Variants in UGT1A3 observed in about 807,000 individuals in gnomAD.
UGT1A3 encodes UDP-glucuronosyltransferase 1A3.
A neutral mutation model predicts 41.0 loss-of-function variants in UGT1A3; 31 were observed. The ratio of observed to expected loss-of-function variants is 0.76; its 90% CI spans 0.57 to 1.02. The LOEUF (loss-of-function observed/expected upper bound fraction) is 1.02, where lower values mean the gene tolerates loss of function less well. UGT1A3 is among the 50% of genes least tolerant of loss of function. UGT1A3 has a pLI of 0.00. For missense variants in UGT1A3, 737 were observed against 671.0 expected, an observed-to-expected ratio of 1.10 and a Z score of -1.09; for synonymous variants, 262 against 257.6, an observed-to-expected ratio of 1.02 and a Z score of -0.17.
At chr2:233,752,737 C>A (rs1338142653) in intron 1 of UGT1A3, among the ~76,000 whole-genome samples, 1 of 152,024 alleles carries the variant, frequency 6.6e-6, no homozygotes. Flanking sequence ...AGAGAGAGAC[C>A]CTGTCTCTAA....
rs781623948 is a variant in UGT1A3, at chr2:233,772,355, G to A, written c.1401G>A (p.Met467Ile). ...CCGTGTTCTGGGTGGAGTTTGTGAT[G>A]AGGCACAAGGGCGCGCCACACCTGC... Reference protein sequence around the residue: ...DLAVFWVEFVMRHKGAPHLRP... With the variant: ...DLAVFWVEFVIRHKGAPHLRP... The change falls in exon 5 of 5, where the codon ATG (methionine) becomes ATA (isoleucine). Residue 467 changes from methionine to isoleucine, a missense_variant. Met to Ile is a conservative substitution (Grantham distance 10, BLOSUM62 1). Coordinates refer to ENST00000482026, the MANE Select transcript of UGT1A3 (RefSeq NM_019093.4). 1 of 1,614,130 alleles carries A rather than the reference G, an allele frequency of 6.2e-7. No homozygotes were observed. Among genetic ancestry groups the A allele is most frequent in the Non-Finnish European group, 8.5e-7 (1 of 1,180,056 alleles).
At chr2:233,759,709 C>T (rs139134152) in intron 1 of UGT1A3, among the ~76,000 whole-genome samples, 6 of 151,084 alleles carry the variant, frequency 4.0e-5, no homozygotes, top group Non-Finnish European at 8.8e-5. Flanking sequence ...GGCGCGTGCT[C>T]GTGTGGTGGG....
intron 1 of UGT1A3, chr2:233,743,889 C>T: frequency 7.3e-7 from 1 of 1,366,986 alleles, no homozygotes; most frequent in Non-Finnish European, 9.8e-7. Context: ...TGCCGGGGCA[C>T]GTCCAGCACC....
At chr2:233,748,610 A>G (rs1485251658) in intron 1 of UGT1A3, among the ~76,000 whole-genome samples, 1 of 151,818 alleles carries the variant, frequency 6.6e-6, no homozygotes, top group Non-Finnish European at 1.5e-5. Context: ...TAGAGCAACG[A>G]ACGTGGGATA....
At chr2:233,757,048 T>G (rs536754863) in intron 1 of UGT1A3, among the ~76,000 whole-genome samples, 1 of 151,428 alleles carries the variant, frequency 6.6e-6, no homozygotes, top group South Asian at 2.1e-4. Flanking sequence ...AAAGGAAGTT[T>G]GGGGAACAGC....
chr2:233,732,226 C>A (rs1208846132), intron 1 of UGT1A3, among the ~76,000 whole-genome samples: 1 of 152,142 alleles, frequency 6.6e-6, no homozygotes, highest in Non-Finnish European at 1.5e-5. Context: ...AAAATTTTCT[C>A]CCATTCTGTA....
chr2:233,762,039 CTG>C (rs1484213771), intron 1 of UGT1A3, among the ~76,000 whole-genome samples: 1 of 152,090 alleles, frequency 6.6e-6, no homozygotes, highest in Non-Finnish European at 1.5e-5. Flanking sequence ...TTTTAATTTT[CTG>C]TGCATTTTCC....
intron 1 of UGT1A3, among the ~76,000 whole-genome samples, chr2:233,744,268 G>C (rs975143580): frequency 2.0e-5 from 3 of 151,806 alleles, no homozygotes; most frequent in African/African-American, 7.3e-5. Context: ...TTTTCTTAAA[G>C]TAGGCTTTAT....
chr2:233,745,241 G>A (rs1693049313), intron 1 of UGT1A3, among the ~76,000 whole-genome samples: 1 of 151,840 alleles, frequency 6.6e-6, no homozygotes, highest in African/African-American at 2.4e-5. Flanking sequence ...ACTATTTACT[G>A]TATCGAAACC....
At position 233,768,350 on chromosome 2, in the gene UGT1A3, G is replaced by A; in HGVS notation, c.1218G>A (p.Glu406=). 1 of 1,614,182 alleles carries A rather than the reference G, an allele frequency of 6.2e-7. No individual in the cohort carries two copies. Among genetic ancestry groups the A allele is most frequent in the East Asian group, 2.2e-5 (1 of 44,880 alleles). Residue 406 remains glutamate, a synonymous_variant, in exon 4 of 5, where the codon GAG becomes GAA. Transcript: ENST00000482026. ...GDQMDNAKRM[E]TKGAGVTLNV... is the part of the protein sequence containing the mutation. ...AGATGGACAATGCAAAGCGCATGGA[G>A]ACTAAGGGAGCTGGAGTGACCCTGA... is the stretch of plus-strand genomic sequence containing the variant.
At position 233,769,464 on chromosome 2, in the gene UGT1A3, C is replaced by CGTGT; in HGVS notation, c.1307+1037_1307+1040dup. The CGTGT allele has an allele frequency of 2.0e-6, 3 of 1,503,202 alleles. No individual in the cohort carries two copies. The highest frequency in any genetic ancestry group is 2.4e-5 in the South Asian group (2 of 84,104). The allele number at this position is 1,503,202 out of a possible 1,614,324, so 93.1% of individuals were successfully genotyped here. On this transcript the variant is annotated intron_variant, in intron 4 of 4. Transcript: ENST00000482026. The surrounding 1 kb of genome is among the most constrained non-coding windows in gnomAD (Gnocchi z 4.4). ...GGGTGCACACGTGTGCATTCATATG[C>CGTGT]GTGTGTGTGTGTGTGCGTGTGTTTA...
intron 1 of UGT1A3, chr2:233,747,230 A>AGGTTCCCCT: frequency 6.2e-7 from 1 of 1,605,032 alleles, no homozygotes; most frequent in South Asian, 1.1e-5. Context: ...ACAGGACCCC[A>AGGTTCCCCT]GGTTCCCCTG....
chr2:233,766,305 G>A (rs1441767002), intron 1 of UGT1A3, among the ~76,000 whole-genome samples: 4 of 152,018 alleles, frequency 2.6e-5, no homozygotes, highest in African/African-American at 7.2e-5. Flanking sequence ...GCTCTCCTCC[G>A]ACTGCCTCAG....
chr2:233,769,665 G>A lies in UGT1A3; in HGVS notation c.1307+1226G>A. 6.3e-7 allele frequency: 1 copy of A among 1,592,194 alleles called. No individual in the cohort carries two copies. Among genetic ancestry groups the A allele is most frequent in the Non-Finnish European group, 8.6e-7 (1 of 1,169,328 alleles). On this transcript the variant is annotated intron_variant, in intron 4 of 4. Transcript: ENST00000482026. The surrounding 1 kb of genome is among the most constrained non-coding windows in gnomAD (Gnocchi z 4.4). ...TGATGACTGACTTCCCACCTTTGAG[G>A]TGCTAATGTGTGTGTGGTGGCACTG...
At chr2:233,733,743 C>T (rs1444086929) in intron 1 of UGT1A3, among the ~76,000 whole-genome samples, 1 of 152,214 alleles carries the variant, frequency 6.6e-6, no homozygotes, top group Non-Finnish European at 1.5e-5. Context: ...CGATGTTCAT[C>T]AGGGATATTT....
chr2:233,754,301 G>C (rs576538259), intron 1 of UGT1A3: 100 of 236,450 alleles, frequency 4.2e-4, no homozygotes, highest in African/African-American at 2.0e-3. Flanking sequence ...CTAGCACTAG[G>C]AAATAATCAT....
At chr2:233,760,585 T>A (rs2125986328) in intron 1 of UGT1A3, 2 of 1,614,208 alleles carry the variant, frequency 1.2e-6, no homozygotes, top group Non-Finnish European at 8.5e-7. Flanking sequence ...GCATAATGTT[T>A]TTGAGAATGA....
rs2077866631 is a variant in UGT1A3 at position 233,729,480 on chromosome 2, C to T, written c.354C>T (p.Asn118=). The change falls in exon 1 of 5, where the codon AAC becomes AAT. Residue 118 remains asparagine, a synonymous_variant. Transcript: ENST00000482026. Reference sequence around the variant, plus strand: ...TTTTCAGAAGTATGGCAATGTTGAACAATATGTCTTTGGTCTATCATAGGT... The same window carrying T: ...TTTTCAGAAGTATGGCAATGTTGAATAATATGTCTTTGGTCTATCATAGGT... ...KKFFRSMAML[N]NMSLVYHRSC... The T allele has an allele frequency of 1.9e-6, 3 of 1,614,046 alleles. No individual in the cohort carries two copies. Among genetic ancestry groups the T allele is most frequent in the South Asian group, 1.1e-5 (1 of 91,072 alleles).
rs1699786143 is a variant in UGT1A3 at position 233,769,071 on chromosome 2, C to T, written c.1307+632C>T. Among the ~76,000 whole-genome samples, 1 of 152,122 alleles carries T rather than the reference C, an allele frequency of 6.6e-6. No homozygotes were observed. The highest frequency in any genetic ancestry group is 2.1e-4 in the South Asian group (1 of 4,832). On this transcript the variant is annotated intron_variant, in intron 4 of 4. Transcript: ENST00000482026. The surrounding 1 kb of genome is among the most constrained non-coding windows in gnomAD (Gnocchi z 4.4). ...TAAGTTTCCTGCACAGAAAGAAATA[C>T]TCCATTATAAGAAGCATAGTATCTT...
Sources: allele counts gnomAD v4.1 joint callset (sites outside exome capture counted in the v4.1 genomes callset), GRCh38; gene constraint gnomAD v4.1.1; non-coding constraint Gnocchi (gnomAD v3.1); transcripts MANE v1.5; gene names NCBI Gene and HGNC (gene_info 2026-07-23, HGNC 2026-07-21).